The following IGFL2 variants were observed in gnomAD, a reference collection of about 807,000 sequenced individuals.
The protein encoded by IGFL2 is IGF like family member 2.
Under a neutral mutation model 13.9 loss-of-function variants are expected in IGFL2, and 7 were observed. That is an observed-to-expected ratio of 0.51 (90% confidence interval 0.29 to 0.95). IGFL2 has a LOEUF of 0.95. Ranked by LOEUF, IGFL2 falls within the 40% of genes least tolerant of loss-of-function variation. IGFL2 has a pLI of 0.08. For synonymous variants in IGFL2, 55 were observed against 55.8 expected (o/e 0.99, Z 0.07); for missense variants, 138 against 147.8 (o/e 0.93, Z 0.34).
At chr19:46,105,125 A>G in the IGFL2 span, among the ~76,000 whole-genome samples, 1 of 152,246 alleles carries the variant, frequency 6.6e-6, no homozygotes, top group African/African-American at 2.4e-5. Context: ...CTTTGGAAGT[A>G]AAGCGGCCTT....
the IGFL2 span, among the ~76,000 whole-genome samples, chr19:46,081,305 A>G: frequency 2.0e-5 from 3 of 152,336 alleles, no homozygotes; most frequent in South Asian, 2.1e-4. Context: ...TAGACTTACA[A>G]AGAAGTTGCA....
the IGFL2 span, chr19:46,136,720 G>C: frequency 1.9e-6 from 1 of 523,296 alleles, no homozygotes; most frequent in African/African-American, 1.9e-5. Flanking sequence ...TGACATTTCT[G>C]AGAACTGTTT....
At chr19:46,198,537 C>G in the IGFL2 span, 1 of 152,026 alleles carries the variant, frequency 6.6e-6, no homozygotes, top group Non-Finnish European at 1.5e-5. Context: ...AGAAATGAAA[C>G]CATAAGTTTC....
chr19:46,080,283 C>T, the IGFL2 span, among the ~76,000 whole-genome samples: 57 of 152,214 alleles, frequency 3.7e-4, no homozygotes, highest in African/African-American at 1.3e-3. Context: ...CCTGTAATTC[C>T]AGCACTTTGG....
chr19:46,191,007 C>G, the IGFL2 span, among the ~76,000 whole-genome samples: 1 of 152,150 alleles, frequency 6.6e-6, no homozygotes, highest in South Asian at 2.1e-4. Context: ...TGCACCATCC[C>G]CACAATGCCA....
At chr19:46,091,251 G>A in the IGFL2 span, among the ~76,000 whole-genome samples, 1 of 152,162 alleles carries the variant, frequency 6.6e-6, no homozygotes, top group African/African-American at 2.4e-5. Context: ...GTAAGAAGTA[G>A]ATATCTAGGG....
At chr19:46,137,369 A>G in the IGFL2 span, 1 of 1,105,882 alleles carries the variant, frequency 9.0e-7, no homozygotes, top group Admixed American at 1.7e-5. Flanking sequence ...ACAGACCTGT[A>G]GTGTAGACAG....
downstream of IGFL2, among the ~76,000 whole-genome samples, chr19:46,162,299 A>G (rs147607088): frequency 0.013 from 1,913 of 152,136 alleles, 14 homozygotes; most frequent in Middle Eastern, 0.041. Flanking sequence ...AGAATCTTGC[A>G]AGAGTTCTCT....
the IGFL2 span, chr19:46,181,180 G>A: frequency 6.8e-6 from 1 of 147,760 alleles, no homozygotes; most frequent in Non-Finnish European, 1.5e-5. Context: ...ATTTGGTTGT[G>A]TGTTGTGTGT....
the IGFL2 span, among the ~76,000 whole-genome samples, chr19:46,177,985 A>G: frequency 6.6e-6 from 1 of 152,114 alleles, no homozygotes; most frequent in African/African-American, 2.4e-5. Flanking sequence ...TTAACATTAA[A>G]ATAGAGAGCG....
chr19:46,139,343 A>AT (rs61483326), upstream of IGFL2, among the ~76,000 whole-genome samples: 114,466 of 146,680 alleles, frequency 0.78, 45,007 homozygotes, highest in Non-Finnish European at 0.82. Context: ...ATCAAAACCA[A>AT]TTTTTTTTTT....
the IGFL2 span, chr19:46,207,461 A>C: frequency 6.6e-6 from 1 of 151,902 alleles, no homozygotes; most frequent in Admixed American, 6.6e-5. Context: ...AGCTCACTGC[A>C]ACCTCCGCCT....
At chr19:46,108,732 G>T in the IGFL2 span, among the ~76,000 whole-genome samples, 1 of 152,160 alleles carries the variant, frequency 6.6e-6, no homozygotes, top group Non-Finnish European at 1.5e-5. Context: ...TGAAATGTGG[G>T]TGAATAATCA....
the IGFL2 span, chr19:46,181,249 T>A: frequency 1.3e-5 from 2 of 152,292 alleles, no homozygotes; most frequent in Non-Finnish European, 2.9e-5. Flanking sequence ...GAGACCAAGA[T>A]AACTATGAGA....
the IGFL2 span, among the ~76,000 whole-genome samples, chr19:46,191,457 G>A: frequency 6.6e-6 from 1 of 152,178 alleles, no homozygotes; most frequent in East Asian, 1.9e-4. Context: ...ATGAAGGAAG[G>A]TGGACAGGAC....
chr19:46,157,019 A>G (rs1033502074), intron 1 of IGFL2, among the ~76,000 whole-genome samples: 1 of 152,318 alleles, frequency 6.6e-6, no homozygotes, highest in East Asian at 1.9e-4. Context: ...CAATTTGACA[A>G]CTTAGATGAA....
chr19:46,118,060 C>T, the IGFL2 span, among the ~76,000 whole-genome samples: 1 of 151,980 alleles, frequency 6.6e-6, no homozygotes, highest in Non-Finnish European at 1.5e-5. Context: ...TCCCCACAGC[C>T]CTAGGGTGGG....
the IGFL2 span, among the ~76,000 whole-genome samples, chr19:46,185,236 T>G: frequency 6.6e-6 from 1 of 152,304 alleles, no homozygotes; most frequent in African/African-American, 2.4e-5. Context: ...TCCTTTTTTC[T>G]ACCCCCCTCC....
chr19:46,097,337 G>C, the IGFL2 span, among the ~76,000 whole-genome samples: 1 of 152,236 alleles, frequency 6.6e-6, no homozygotes, highest in South Asian at 2.1e-4. Context: ...ATGGCTGTTT[G>C]TATTTCTGCA....
Sources: gnomAD v4.1 joint callset for allele counts (sites outside exome capture counted in the v4.1 genomes callset) on GRCh38, gnomAD v4.1.1 for gene constraint, MANE v1.5 for transcripts, NCBI Gene and HGNC (gene_info 2026-07-23, HGNC 2026-07-21) for gene names.